The following PITPNM2 variants were observed in gnomAD, a reference collection of about 807,000 sequenced individuals.
PITPNM2 encodes membrane-associated phosphatidylinositol transfer protein 2.
Under a neutral mutation model 132.2 loss-of-function variants are expected in PITPNM2, and 35 were observed. The ratio of observed to expected loss-of-function variants is 0.26; its 90% CI spans 0.20 to 0.35. The LOEUF (loss-of-function observed/expected upper bound fraction) is 0.35. Ranked by LOEUF, PITPNM2 falls within the 10% of genes least tolerant of loss-of-function variation. The probability of loss-of-function intolerance (pLI) is 1.00; values close to 1 mark genes in which losing one functional copy is unlikely to be tolerated. For missense variants in PITPNM2, 1,332 were observed against 1,912.0 expected, an observed-to-expected ratio of 0.70 and a Z score of 5.66; for synonymous variants, 738 against 799.2, an observed-to-expected ratio of 0.92 and a Z score of 1.29.
At position 122,986,720 on chromosome 12, in the gene PITPNM2, C is replaced by T. The variant is rs753524103; in HGVS notation, c.3523G>A (p.Val1175Met). ...LAQHNFPHGV[V>M]SFCDGLVHDP... Reference sequence around the variant, plus strand: ...TGCACCAGGCCGTCACAGAAGGACACCACGCCATGGGGGAAGTTGTGCTGG... The same window carrying T: ...TGCACCAGGCCGTCACAGAAGGACATCACGCCATGGGGGAAGTTGTGCTGG... Residue 1175 changes from valine to methionine, a missense_variant, in exon 24 of 26, where the codon GTG (valine) becomes ATG (methionine). By Grantham distance (21) the Val-to-Met change is conservative. Transcript: ENST00000320201. 2 of 1,613,464 alleles carry T rather than the reference C, an allele frequency of 1.2e-6. No homozygotes were observed.
chr12:123,136,892 C>T (rs1194446177), intron 1 of PITPNM2, among the ~76,000 whole-genome samples: 1 of 151,650 alleles, frequency 6.6e-6, no homozygotes, highest in Non-Finnish European at 1.5e-5. Flanking sequence ...GACTCCGTCT[C>T]AAAAAAAATA....
At chr12:123,125,838 T>C (rs1223696832) in intron 1 of PITPNM2, among the ~76,000 whole-genome samples, 2 of 99,102 alleles carry the variant, frequency 2.0e-5, no homozygotes, top group Admixed American at 1.0e-4. Flanking sequence ...CGAGACTCTG[T>C]CTCAAAAAAA....
chr12:123,004,742 T>TGGG lies in PITPNM2; in HGVS notation c.953-254_953-253insCCC, dbSNP rs1352398785. The TGGG allele has an allele frequency of 3.0e-5, 18 of 598,698 alleles. No individual in the cohort carries two copies. In the East Asian group the frequency reaches 5.0e-4, roughly 17 times the overall value. 37.1% of individuals were successfully genotyped at this position (598,698 alleles called of 1,614,324 possible). A position where few individuals can be genotyped will look rare whatever the true frequency, so the allele number is the denominator to read the frequency against. ...TGGGTGGGGAAGAGCATGACAGACA[T>TGGG]AAGCCCAGGACGTGGGGTAAGACAG... On this transcript the variant is annotated intron_variant, in intron 7 of 25. Coordinates refer to ENST00000320201, the MANE Select transcript of PITPNM2 (RefSeq NM_020845.3). This position sits in a 1 kb window ranked among gnomAD's most constrained non-coding sequence, Gnocchi z 4.9.
rs907979529 is a variant in PITPNM2, at chr12:123,150,304, G to C, written c.-200+449C>G. Among the ~76,000 whole-genome samples, 4 of 152,032 alleles carry C rather than the reference G, an allele frequency of 2.6e-5. No individual in the cohort carries two copies. Among genetic ancestry groups the C allele is most frequent in the Non-Finnish European group, 5.9e-5 (4 of 67,984 alleles). On this transcript the variant is annotated intron_variant, in intron 1 of 25. Transcript: ENST00000320201. The surrounding 1 kb of genome is among the most constrained non-coding windows in gnomAD (Gnocchi z 6.0). ...CCGACAAGCAGAGGCCACGGCCCGGGCCTGGGGACGTTCAGCTGGAGGCGG... is the reference window on the plus strand; with the variant it reads ...CCGACAAGCAGAGGCCACGGCCCGGCCCTGGGGACGTTCAGCTGGAGGCGG...
At chr12:122,995,016 G>A in intron 14 of PITPNM2, 37 bp from the exon 15 acceptor site, 3 of 1,536,822 alleles carry the variant, frequency 2.0e-6, no homozygotes, top group South Asian at 1.2e-5. Context: ...TCATGTGGGT[G>A]CAGCTGCCAT....
chr12:123,094,989 G>C (rs57178349), intron 2 of PITPNM2, among the ~76,000 whole-genome samples: 1 of 152,144 alleles, frequency 6.6e-6, no homozygotes, highest in African/African-American at 2.4e-5. Context: ...TCTGGGCTTC[G>C]TGGCGCACTG....
chr12:123,128,468 G>C (rs1028333132), intron 1 of PITPNM2, among the ~76,000 whole-genome samples: 15 of 144,860 alleles, frequency 1.0e-4, no homozygotes, highest in East Asian at 2.0e-4. Flanking sequence ...AAAAAAAGGT[G>C]GGGGGGCAGG....
chr12:123,034,772 C>T lies in PITPNM2; in HGVS notation c.-95-87G>A, dbSNP rs562408704. The T allele has an allele frequency of 1.5e-5, 9 of 595,948 alleles. No individual in the cohort carries two copies. The Admixed American group carries it at 1.7e-4, about 11-fold the overall frequency. The allele number at this position is 595,948 out of a possible 1,614,324, so 36.9% of individuals were successfully genotyped here. ...GCACAGAGGAAAGGCCCGGTCTACA[C>T]CTGAGGCTGGAATTGTGGCCTCTGA... On this transcript the variant is annotated intron_variant, in intron 2 of 25. Coordinates refer to ENST00000320201, the MANE Select transcript of PITPNM2 (RefSeq NM_020845.3).
At position 122,983,799 on chromosome 12, in the gene PITPNM2, T is replaced by TAAC. The variant is rs1312787908; in HGVS notation, c.*2225_*2227dup. On this transcript the variant is annotated 3_prime_UTR_variant, in exon 26 of 26. Coordinates refer to ENST00000320201, the MANE Select transcript of PITPNM2 (RefSeq NM_020845.3). ...GGGAGTGGGACTAAGGCTTCTATTC[T>TAAC]AACAGGCCTGGGGGGTGGCAGTCAG... 3 of 152,506 alleles carry TAAC rather than the reference T, an allele frequency of 2.0e-5. No homozygotes were observed. Among genetic ancestry groups the TAAC allele is most frequent in the Non-Finnish European group, 4.4e-5 (3 of 68,068 alleles). The allele number at this position is 152,506 out of a possible 1,614,324, so 9.4% of individuals were successfully genotyped here.
intron 2 of PITPNM2, chr12:123,076,119 C>G (rs1445135677): frequency 6.6e-6 from 1 of 152,288 alleles, no homozygotes; most frequent in East Asian, 1.9e-4. Context: ...GGCCTCCCCG[C>G]CCATCACATA....
At chr12:123,032,477 AAAAC>A (rs112632714) in intron 3 of PITPNM2, among the ~76,000 whole-genome samples, 58 of 150,700 alleles carry the variant, frequency 3.8e-4, no homozygotes, top group African/African-American at 4.9e-4. Context: ...CTCCATCTCA[AAAAC>A]AAACAAACAA....
chr12:122,989,838 T>C lies in PITPNM2; in HGVS notation c.2680A>G (p.Ser894Gly). Residue 894 changes from serine to glycine, a missense_variant, in exon 18 of 26, where the codon AGC becomes GGC. This residue lies in a region of PITPNM2 where 710 missense variants were observed against 911.5 expected (regional missense o/e 0.78). Transcript: ENST00000320201. ...CCAGGGGCCCTCTCCAGGCCAGGGC[T>C]TGCCTTCCTGGCTGGAGGGTGGGGG... ...PGPHPPARKA[S>G]PGLERAPGLP... 3.6e-6 allele frequency: 5 copies of C among 1,392,560 alleles called. No homozygotes were observed. The highest frequency in any genetic ancestry group is 4.7e-6 in the Non-Finnish European group (5 of 1,069,236). The allele number at this position is 1,392,560 out of a possible 1,614,324, so 86.3% of individuals were successfully genotyped here. A position where few individuals can be genotyped will look rare whatever the true frequency, so the allele number is the denominator to read the frequency against.
rs77958303 is a variant in PITPNM2 at position 123,011,927 on chromosome 12, G to C, written c.415+686C>G. 2.3e-3 allele frequency among the ~76,000 whole-genome samples: 348 copies of C among 152,096 alleles called. 7 individuals are homozygous for C. In the East Asian group the frequency reaches 0.056, roughly 25 times the overall value. On this transcript the variant is annotated intron_variant, in intron 5 of 25. Transcript: ENST00000320201. The stretch of plus-strand genomic sequence containing the variant: ...AGACCCAGGAAATCCCAGCAGAGGT[G>C]GGGGGGTTGGGCCTGGAGCAGCTCC...
chr12:123,011,209 T>G (rs2039189402), intron 5 of PITPNM2, among the ~76,000 whole-genome samples: 1 of 152,254 alleles, frequency 6.6e-6, no homozygotes, highest in African/African-American at 2.4e-5. Context: ...GGCCCTTGGC[T>G]GCCTCATTTT....
chr12:123,064,949 G>T lies in PITPNM2; in HGVS notation c.-95-30264C>A, dbSNP rs1323524333. Among the ~76,000 whole-genome samples, 1 of 152,224 alleles carries T rather than the reference G, an allele frequency of 6.6e-6. No individual in the cohort carries two copies. The highest frequency in any genetic ancestry group is 2.4e-5 in the African/African-American group (1 of 41,458). On this transcript the variant is annotated intron_variant, in intron 2 of 25. Transcript: ENST00000320201. This position sits in a 1 kb window ranked among gnomAD's most constrained non-coding sequence, Gnocchi z 4.0. ...TTGAGTGGGATTAAATGAGGTGACA[G>T]TGAGGCACTGGGCACCTGAGATGTC...
Position 122,984,142 on chromosome 12 carries a change from G to C in PITPNM2, c.*1885C>G. ...ATGGCTGGCGGCTGGGCAGGCAGGC[G>C]GGGAGTGAGGAGCCGTGGGGGAGCT... is the stretch of plus-strand genomic sequence containing the variant. On this transcript the variant is annotated 3_prime_UTR_variant, in exon 26 of 26. Transcript: ENST00000320201. The C allele has an allele frequency of 6.5e-6, 1 of 153,172 alleles. No individual in the cohort carries two copies. The highest frequency in any genetic ancestry group is 2.1e-4 in the South Asian group (1 of 4,834). 9.5% of individuals were successfully genotyped at this position (153,172 alleles called of 1,614,324 possible). A position where few individuals can be genotyped will look rare whatever the true frequency, so the allele number is the denominator to read the frequency against.
At chr12:123,007,815 T>C (rs1427442992) in intron 6 of PITPNM2, among the ~76,000 whole-genome samples, 1 of 152,108 alleles carries the variant, frequency 6.6e-6, no homozygotes, top group Non-Finnish European at 1.5e-5. Flanking sequence ...GGACATGCAC[T>C]ACATCTGGGG....
At chr12:123,015,217 G>A (rs1394255523) in intron 3 of PITPNM2, among the ~76,000 whole-genome samples, 4 of 152,122 alleles carry the variant, frequency 2.6e-5, no homozygotes, top group African/African-American at 9.7e-5. Context: ...CAGGAGACCC[G>A]GAAGAGCCAA....
intron 2 of PITPNM2, among the ~76,000 whole-genome samples, chr12:123,042,359 G>A (rs544612326): frequency 1.7e-4 from 26 of 152,220 alleles, no homozygotes; most frequent in Non-Finnish European, 2.5e-4. Flanking sequence ...TCCTTTAAGC[G>A]GAGGCCATGA....
Sources: allele counts gnomAD v4.1 joint callset (sites outside exome capture counted in the v4.1 genomes callset), GRCh38; gene constraint gnomAD v4.1.1; regional missense constraint gnomAD v4.1.1; non-coding constraint Gnocchi (gnomAD v3.1); transcripts MANE v1.5; gene names NCBI Gene and HGNC (gene_info 2026-07-23, HGNC 2026-07-21).